CRMP1: variants seen among roughly 807,000 people sequenced by gnomAD.
The protein encoded by CRMP1 is collapsin response mediator protein 1, also known as dihydropyrimidinase-related protein 1.
Under a neutral mutation model 68.3 loss-of-function variants are expected in CRMP1, and 19 were observed. That is an observed-to-expected ratio of 0.28 (90% CI 0.19 to 0.41). The LOEUF is 0.41. Among genes scored for constraint, CRMP1 ranks in the 10% least tolerant of loss-of-function variants. The pLI is 1.00. For synonymous variants in CRMP1, 439 were observed against 399.6 expected (o/e 1.10, Z -1.18); for missense variants, 791 against 967.4 (o/e 0.82, Z 2.42).
chr4:5,848,597 G>C (rs1712398473), intron 6 of CRMP1, among the ~76,000 whole-genome samples: 1 of 152,208 alleles, frequency 6.6e-6, no homozygotes, highest in South Asian at 2.1e-4. Context: ...TCCATTATGT[G>C]TCAGATTCTG....
rs1309399081 is a variant in CRMP1 at position 5,850,134 on chromosome 4, T to A, written c.883-662A>T. On this transcript the variant is annotated intron_variant, in intron 5 of 13. Coordinates refer to ENST00000324989, the MANE Select transcript of CRMP1 (RefSeq NM_001014809.3). The surrounding 1 kb of genome is among the most constrained non-coding windows in gnomAD (Gnocchi z 4.4). ...CTGGTAAGGGCCAAAGCCACGAAGC[T>A]CCCTCTCCAGGGACACTTGAACCTC... is the stretch of plus-strand genomic sequence containing the variant. 6.6e-6 allele frequency among the ~76,000 whole-genome samples: 1 copy of A among 152,126 alleles called. No homozygotes were observed. The highest frequency in any genetic ancestry group is 1.5e-5 in the Non-Finnish European group (1 of 68,026).
chr4:5,869,047 G>T (rs919599181), intron 1 of CRMP1, among the ~76,000 whole-genome samples: 1 of 152,022 alleles, frequency 6.6e-6, no homozygotes, highest in African/African-American at 2.4e-5. Context: ...AAATTCCTGA[G>T]CTTAAGTGAT....
rs1375926695 is a variant in CRMP1, at chr4:5,881,056, T to G, written c.381+11533A>C. Among the ~76,000 whole-genome samples the G allele has an allele frequency of 2.6e-5, 4 of 152,206 alleles. No homozygotes were observed. Among genetic ancestry groups the G allele is most frequent in the African/African-American group, 9.7e-5 (4 of 41,432 alleles). ...ACCCCCAGCCCAGGAGGAGGAATCC[T>G]TTATAGAGAATGGACACAGCTGATA... On this transcript the variant is annotated intron_variant, in intron 1 of 13. Transcript: ENST00000324989. The surrounding 1 kb of genome is among the most constrained non-coding windows in gnomAD (Gnocchi z 4.6).
chr4:5,834,966 C>T lies in CRMP1; in HGVS notation c.1623+949G>A, dbSNP rs1019267524. ...CCAATGGATACTCCAGGGCCATGGCCGTGAGCTGCTACAAGTGTTTCCTGT... is the reference window on the plus strand; with the variant it reads ...CCAATGGATACTCCAGGGCCATGGCTGTGAGCTGCTACAAGTGTTTCCTGT... On this transcript the variant is annotated intron_variant, in intron 11 of 13. Coordinates refer to ENST00000324989, the MANE Select transcript of CRMP1 (RefSeq NM_001014809.3). The surrounding 1 kb of genome is among the most constrained non-coding windows in gnomAD (Gnocchi z 4.3). Among the ~76,000 whole-genome samples the T allele has an allele frequency of 2.6e-5, 4 of 152,162 alleles. No individual in the cohort carries two copies. The highest frequency in any genetic ancestry group is 4.8e-5 in the African/African-American group (2 of 41,448).
chr4:5,827,397 C>T (rs867898645), intron 12 of CRMP1, among the ~76,000 whole-genome samples: 1 of 152,188 alleles, frequency 6.6e-6, no homozygotes, highest in Non-Finnish European at 1.5e-5. Context: ...AGCATCTGTG[C>T]GACTTGGTGT....
At position 5,879,193 on chromosome 4, in the gene CRMP1, T is replaced by C. The variant is rs1715062397; in HGVS notation, c.382-12437A>G. ...TCGGCCGCGCCCCACCACATCTATCTACGCACACCACGCTCTGCCTCCCTA... is the reference window on the plus strand; with the variant it reads ...TCGGCCGCGCCCCACCACATCTATCCACGCACACCACGCTCTGCCTCCCTA... On this transcript the variant is annotated intron_variant, in intron 1 of 13. Transcript: ENST00000324989. This position sits in a 1 kb window ranked among gnomAD's most constrained non-coding sequence, Gnocchi z 4.2. Among the ~76,000 whole-genome samples, 1 of 152,176 alleles carries C rather than the reference T, an allele frequency of 6.6e-6. No individual in the cohort carries two copies. Among genetic ancestry groups the C allele is most frequent in the East Asian group, 1.9e-4 (1 of 5,190 alleles).
intron 1 of CRMP1, among the ~76,000 whole-genome samples, chr4:5,868,253 C>CTATATATCTATATATAGATA (rs1714131067): frequency 1.6e-4 from 13 of 83,122 alleles, no homozygotes; most frequent in African/African-American, 4.6e-4. Flanking sequence ...TTCTTCATGA[C>CTATATATCTATATATAGATA]TATATATCTA....
intron 6 of CRMP1, among the ~76,000 whole-genome samples, chr4:5,844,691 G>A (rs930963500): frequency 2.0e-5 from 3 of 152,228 alleles, no homozygotes; most frequent in African/African-American, 7.2e-5. Context: ...GCAGTGAGGA[G>A]AGCAAAGCCC....
At chr4:5,851,972 GAGGAGGAGGAAGAGGAA>G (rs1430944344) in intron 4 of CRMP1, among the ~76,000 whole-genome samples, 1 of 16,262 alleles carries the variant, frequency 6.1e-5, no homozygotes, top group African/African-American at 1.2e-4. Context: ...GGAAGAGGAA[GAGGAGGAGGAAGAGGAA>G]GAGGAGGAGA....
chr4:5,869,910 A>C (rs567692978), intron 1 of CRMP1, among the ~76,000 whole-genome samples: 277 of 152,232 alleles, frequency 1.8e-3, no homozygotes, highest in African/African-American at 6.3e-3. Flanking sequence ...TGATCTTGCC[A>C]AGGCCATCTG....
In CRMP1 at chr4:5,836,023, G is replaced by A; in HGVS notation, c.1515C>T (p.Ile505=). ...VAVTSTNAAK[I]FNLYPRKGRI... ...GCCCTTTCCTTGGGTACAGGTTAAAGATCTTGGCTGCATTGGTGCTGGTGA... is the reference window on the plus strand; with the variant it reads ...GCCCTTTCCTTGGGTACAGGTTAAAAATCTTGGCTGCATTGGTGCTGGTGA... The change falls in exon 11 of 14, where the codon ATC becomes ATT. Residue 505 remains isoleucine, a synonymous_variant. Transcript: ENST00000324989. 2 of 1,604,232 alleles carry A rather than the reference G, an allele frequency of 1.2e-6. No homozygotes were observed. The highest frequency in any genetic ancestry group is 1.7e-6 in the Non-Finnish European group (2 of 1,175,350).
At chr4:5,845,412 G>A (rs1034317179) in intron 6 of CRMP1, among the ~76,000 whole-genome samples, 4 of 152,256 alleles carry the variant, frequency 2.6e-5, no homozygotes, top group Non-Finnish European at 4.4e-5. Flanking sequence ...GCAAGGAACC[G>A]AGGGAGGCCT....
rs1560470232 is a variant in CRMP1, at chr4:5,821,835, G to A, written c.1986C>T (p.Asp662=). The A allele has an allele frequency of 4.4e-6, 7 of 1,592,068 alleles. No individual in the cohort carries two copies. The highest frequency in any genetic ancestry group is 6.0e-6 in the Non-Finnish European group (7 of 1,171,946). ...GGTGGCCGGTGCGCCTGGGATTGTT[G>A]TCATCTATCTGGGCACCTGAAAGAG... is the stretch of plus-strand genomic sequence containing the variant. ...NFSLSGAQID[D]NNPRRTGHRI... The change falls in exon 14 of 14, where the codon GAC becomes GAT. Residue 662 remains aspartate, a synonymous_variant. Coordinates refer to ENST00000324989, the MANE Select transcript of CRMP1 (RefSeq NM_001014809.3). This position sits in a 1 kb window ranked among gnomAD's most constrained non-coding sequence, Gnocchi z 4.4.
At position 5,877,887 on chromosome 4, in the gene CRMP1, T is replaced by C. The variant is rs1467351306; in HGVS notation, c.382-11131A>G. ...CACACCTCTGTCACAACCCTAAGAG[T>C]GGGCAGGGCCTGCACGCTGCATAGG... On this transcript the variant is annotated intron_variant, in intron 1 of 13. Transcript: ENST00000324989. This position sits in a 1 kb window ranked among gnomAD's most constrained non-coding sequence, Gnocchi z 4.3. Among the ~76,000 whole-genome samples, 1 of 152,134 alleles carries C rather than the reference T, an allele frequency of 6.6e-6. No homozygotes were observed. Among genetic ancestry groups the C allele is most frequent in the African/African-American group, 2.4e-5 (1 of 41,424 alleles).
At chr4:5,845,169 T>C (rs1477035753) in intron 6 of CRMP1, among the ~76,000 whole-genome samples, 2 of 152,196 alleles carry the variant, frequency 1.3e-5, no homozygotes, top group Non-Finnish European at 2.9e-5. Flanking sequence ...GGCAGCAACT[T>C]CTAAGATGAC....
At chr4:5,840,640 C>T (rs1560494687) in intron 8 of CRMP1, among the ~76,000 whole-genome samples, 1 of 152,230 alleles carries the variant, frequency 6.6e-6, no homozygotes, top group African/African-American at 2.4e-5. Context: ...TTTTACTTAA[C>T]ATTACTTAAT....
chr4:5,836,619 C>CATTCCCTCCT, intron 10 of CRMP1, 146 bp downstream of exon 10: 1 of 1,093,002 alleles, frequency 9.1e-7, no homozygotes, highest in Non-Finnish European at 1.3e-6. Flanking sequence ...TCAAGTTATG[C>CATTCCCTCCT]GTTCCCTCCT....
rs1713554473 is a variant in CRMP1 at position 5,861,503 on chromosome 4, G to A, written c.471-293C>T. On this transcript the variant is annotated intron_variant, in intron 2 of 13. Coordinates refer to ENST00000324989, the MANE Select transcript of CRMP1 (RefSeq NM_001014809.3). This position sits in a 1 kb window ranked among gnomAD's most constrained non-coding sequence, Gnocchi z 6.0. The stretch of plus-strand genomic sequence containing the variant: ...CTAAGAAGGCTTCCAGGTGGAGGGG[G>A]TGGCAGAGCTGAATCCAACAGAAGT... 6.6e-6 allele frequency among the ~76,000 whole-genome samples: 1 copy of A among 152,194 alleles called. No individual in the cohort carries two copies. Among genetic ancestry groups the A allele is most frequent in the Non-Finnish European group, 1.5e-5 (1 of 68,040 alleles).
chr4:5,841,268 G>A lies in CRMP1; in HGVS notation c.1153+40C>T. 1 of 1,613,464 alleles carries A rather than the reference G, an allele frequency of 6.2e-7. No individual in the cohort carries two copies. Among genetic ancestry groups the A allele is most frequent in the Non-Finnish European group, 8.5e-7 (1 of 1,179,856 alleles). ...GAACCTGCAGGACACCCCCTTCCAG[G>A]CCCCAGCTGCCCCCAGAAGGCCCAG... On this transcript the variant is annotated intron_variant, in intron 8 of 13. Coordinates refer to ENST00000324989, the MANE Select transcript of CRMP1 (RefSeq NM_001014809.3). This position sits in a 1 kb window ranked among gnomAD's most constrained non-coding sequence, Gnocchi z 6.9.
Sources: allele counts gnomAD v4.1 joint callset (sites outside exome capture counted in the v4.1 genomes callset), GRCh38; gene constraint gnomAD v4.1.1; non-coding constraint Gnocchi (gnomAD v3.1); transcripts MANE v1.5; gene names NCBI Gene and HGNC (gene_info 2026-07-23, HGNC 2026-07-21).